Variants in TNIK observed in about 807,000 individuals in gnomAD.
TNIK encodes the protein TRAF2 and NCK interacting kinase, also known as TRAF2 and NCK-interacting protein kinase.
TNIK carries 49 observed loss-of-function variants against 191.3 expected under a neutral mutation model. The ratio of observed to expected loss-of-function variants is 0.26; its 90% CI spans 0.20 to 0.32. The LOEUF is 0.32. TNIK is among the 10% of genes least tolerant of loss of function. The probability of loss-of-function intolerance (pLI) is 1.00; values close to 1 mark genes in which losing one functional copy is unlikely to be tolerated. For synonymous variants in TNIK, 594 were observed against 600.9 expected (o/e 0.99, Z 0.17); for missense variants, 1,155 against 1,702.3 (o/e 0.68, Z 5.66).
chr3:171,346,694 A>G lies in TNIK; in HGVS notation c.123+22926T>C, dbSNP rs1164962791. ...TGAAGAACAGTTTTGTGAGAAAGTG[A>G]CATGGAGTTAATAACAGGAGAAGAA... is the stretch of plus-strand genomic sequence containing the variant. On this transcript the variant is annotated intron_variant, in intron 2 of 32. Coordinates refer to ENST00000436636, the MANE Select transcript of TNIK (RefSeq NM_015028.4). Among the ~76,000 whole-genome samples the G allele has an allele frequency of 1.5e-4, 22 of 148,008 alleles. No individual in the cohort carries two copies. The Admixed American group carries it at 1.5e-3, about 10-fold the overall frequency.
chr3:171,308,136 A>C (rs549954081), intron 2 of TNIK, among the ~76,000 whole-genome samples: 25 of 152,312 alleles, frequency 1.6e-4, no homozygotes, highest in African/African-American at 4.8e-4. Context: ...TAGGAAAAAG[A>C]AGCAAGCAAG....
At chr3:171,164,231 G>T (rs968084781) in intron 10 of TNIK, among the ~76,000 whole-genome samples, 3 of 152,192 alleles carry the variant, frequency 2.0e-5, no homozygotes, top group African/African-American at 7.2e-5. Flanking sequence ...TTCATGGCAT[G>T]GTGAGTTCTG....
chr3:171,158,169 G>A lies in TNIK; in HGVS notation c.1017-505C>T, dbSNP rs570429086. Among the ~76,000 whole-genome samples, 23 of 152,310 alleles carry A rather than the reference G, an allele frequency of 1.5e-4. No individual in the cohort carries two copies. In the South Asian group the frequency reaches 4.3e-3, roughly 29 times the overall value. On this transcript the variant is annotated intron_variant, in intron 11 of 32. Coordinates refer to ENST00000436636, the MANE Select transcript of TNIK (RefSeq NM_015028.4). Reference sequence around the variant, plus strand: ...TCCTGTGAAGCCACGATGAACTAGCGATGGAAAACCCTTGAGTCAAGGTCA... The same window carrying A: ...TCCTGTGAAGCCACGATGAACTAGCAATGGAAAACCCTTGAGTCAAGGTCA...
intron 2 of TNIK, among the ~76,000 whole-genome samples, chr3:171,304,479 AT>A (rs1753202968): frequency 6.6e-6 from 1 of 152,174 alleles, no homozygotes; most frequent in South Asian, 2.1e-4. Flanking sequence ...AGAACTAGAA[AT>A]ACCATTTGAC....
chr3:171,332,507 T>C (rs1010958012), intron 2 of TNIK, among the ~76,000 whole-genome samples: 7 of 152,214 alleles, frequency 4.6e-5, no homozygotes, highest in African/African-American at 1.7e-4. Context: ...CCTTCCAAAA[T>C]GGCCGGAACG....
At chr3:171,365,888 T>C (rs1011868242) in intron 2 of TNIK, among the ~76,000 whole-genome samples, 1 of 152,214 alleles carries the variant, frequency 6.6e-6, no homozygotes, top group Non-Finnish European at 1.5e-5. Flanking sequence ...ATTCACATTA[T>C]CACCCTGGGA....
chr3:171,124,349 A>C lies in TNIK; in HGVS notation c.2014-647T>G, dbSNP rs1728182182. Among the ~76,000 whole-genome samples the C allele has an allele frequency of 2.6e-5, 4 of 152,216 alleles. No individual in the cohort carries two copies. In the South Asian group the frequency reaches 8.3e-4, roughly 31 times the overall value. On this transcript the variant is annotated intron_variant, in intron 17 of 32. Coordinates refer to ENST00000436636, the MANE Select transcript of TNIK (RefSeq NM_015028.4). Reference sequence around the variant, plus strand: ...CATAATAGAACATAATACAAAGCAGAATTAATACTGAAAATACTGGAAGGA... The same window carrying C: ...CATAATAGAACATAATACAAAGCAGCATTAATACTGAAAATACTGGAAGGA...
chr3:171,114,077 T>A lies in TNIK; in HGVS notation c.2121-3200A>T, dbSNP rs533637783. 1.1e-4 allele frequency among the ~76,000 whole-genome samples: 17 copies of A among 152,204 alleles called. No homozygotes were observed. In the East Asian group the frequency reaches 1.4e-3, roughly 12 times the overall value. On this transcript the variant is annotated intron_variant, in intron 18 of 32. Coordinates refer to ENST00000436636, the MANE Select transcript of TNIK (RefSeq NM_015028.4). The stretch of plus-strand genomic sequence containing the variant: ...TTGAAATTTATAACTCATAGGCTTT[T>A]TTTTATTTTATTTTTCTGTTAGATT...
At chr3:171,279,775 T>G (rs1471657600) in intron 2 of TNIK, among the ~76,000 whole-genome samples, 5 of 152,204 alleles carry the variant, frequency 3.3e-5, no homozygotes, top group African/African-American at 1.2e-4. Context: ...GGGGGTATTA[T>G]GATCATCTCC....
chr3:171,384,199 T>C (rs976904899), intron 1 of TNIK, among the ~76,000 whole-genome samples: 4 of 152,224 alleles, frequency 2.6e-5, no homozygotes, highest in African/African-American at 9.6e-5. Context: ...AAATTCCACA[T>C]TAAAGTACAT....
chr3:171,397,082 T>C (rs965797898), intron 1 of TNIK, among the ~76,000 whole-genome samples: 13 of 152,156 alleles, frequency 8.5e-5, no homozygotes, highest in East Asian at 1.9e-4. Flanking sequence ...AGGAAAGAGA[T>C]TAAGGAGCAG....
chr3:171,236,893 G>C (rs549657364), intron 2 of TNIK, among the ~76,000 whole-genome samples: 1 of 152,276 alleles, frequency 6.6e-6, no homozygotes, highest in African/African-American at 2.4e-5. Flanking sequence ...GATTGGGAGT[G>C]GGCAGGGTTG....
intron 1 of TNIK, among the ~76,000 whole-genome samples, chr3:171,423,529 A>G (rs1724101263): frequency 6.6e-6 from 1 of 152,148 alleles, no homozygotes; most frequent in South Asian, 2.1e-4. Flanking sequence ...TGCCAAGTCA[A>G]CCCTAAGCCA....
chr3:171,414,814 C>T (rs1722850615), intron 1 of TNIK, among the ~76,000 whole-genome samples: 2 of 152,184 alleles, frequency 1.3e-5, no homozygotes. Flanking sequence ...GCAAATCTGT[C>T]AAATGGTATT....
intron 1 of TNIK, chr3:171,439,647 T>C (rs911354131): frequency 1.3e-5 from 2 of 152,228 alleles, no homozygotes; most frequent in African/African-American, 4.8e-5. Context: ...ATTACTATTA[T>C]TATTATATAA....
chr3:171,093,704 G>T, intron 23 of TNIK, 135 bp downstream of exon 23: 1 of 1,139,924 alleles, frequency 8.8e-7, no homozygotes, highest in Non-Finnish European at 1.2e-6. Context: ...TCAACTATTT[G>T]GAAGCACAGG....
chr3:171,157,387 C>A (rs968414846), intron 12 of TNIK, 73 bp downstream of exon 12: 4 of 1,509,756 alleles, frequency 2.6e-6, no homozygotes, highest in Non-Finnish European at 2.7e-6. Flanking sequence ...GGGATGTGGG[C>A]CCCCAGGGAA....
At chr3:171,127,800 A>AT (rs1728690823) in intron 16 of TNIK, among the ~76,000 whole-genome samples, 1 of 152,220 alleles carries the variant, frequency 6.6e-6, no homozygotes. Context: ...AGAATACTTG[A>AT]TTTTATCACT....
chr3:171,429,666 AT>A (rs1725111543), intron 1 of TNIK, among the ~76,000 whole-genome samples: 2 of 152,136 alleles, frequency 1.3e-5, no homozygotes, highest in Non-Finnish European at 2.9e-5. Context: ...TTCCTTTCAG[AT>A]GGTCTTGCCA....
Sources: gnomAD v4.1 joint callset for allele counts (sites outside exome capture counted in the v4.1 genomes callset) on GRCh38, gnomAD v4.1.1 for gene constraint, MANE v1.5 for transcripts, NCBI Gene and HGNC (gene_info 2026-07-23, HGNC 2026-07-21) for gene names.